CNNM2: variants seen among roughly 807,000 people sequenced by gnomAD.
The protein encoded by CNNM2 is metal transporter CNNM2.
CNNM2 carries 12 observed loss-of-function variants against 66.9 expected under a neutral mutation model. The ratio of observed to expected loss-of-function variants is 0.18; its 90% CI spans 0.11 to 0.29. The LOEUF is 0.29. Among genes scored for constraint, CNNM2 ranks in the 10% least tolerant of loss-of-function variants. The probability of loss-of-function intolerance (pLI) is 1.00; values close to 1 mark genes in which losing one functional copy is unlikely to be tolerated. For missense variants in CNNM2, 705 were observed against 1,167.7 expected, an observed-to-expected ratio of 0.60 and a Z score of 5.77; for synonymous variants, 557 against 501.8, an observed-to-expected ratio of 1.11 and a Z score of -1.47.
At chr10:102,970,046 C>G (rs1387786338) in intron 1 of CNNM2, among the ~76,000 whole-genome samples, 1 of 152,168 alleles carries the variant, frequency 6.6e-6, no homozygotes, top group Non-Finnish European at 1.5e-5. Flanking sequence ...TTTACTCTTT[C>G]TTTTTGAGAT....
chr10:102,927,300 A>G, intron 1 of CNNM2: 6 of 1,611,672 alleles, frequency 3.7e-6, no homozygotes, highest in South Asian at 1.1e-5. Flanking sequence ...GATTGAATAC[A>G]GTTTTTTAAA....
At chr10:103,053,444 G>A (rs751144653) in intron 2 of CNNM2, among the ~76,000 whole-genome samples, 1 of 152,214 alleles carries the variant, frequency 6.6e-6, no homozygotes, top group Non-Finnish European at 1.5e-5. Flanking sequence ...TTGAGCCTTG[G>A]AGTTGAGGCT....
chr10:103,073,548 G>A (rs1284891568), intron 6 of CNNM2, among the ~76,000 whole-genome samples: 2 of 152,190 alleles, frequency 1.3e-5, no homozygotes, highest in Admixed American at 6.5e-5. Context: ...GGCAAGGTCC[G>A]GGAGGAAGCT....
Position 102,918,477 on chromosome 10 carries a change from C to T in CNNM2, c.-4C>T, listed in dbSNP as rs1845495754. 2.5e-6 allele frequency: 4 copies of T among 1,605,156 alleles called. No individual in the cohort carries two copies. The East Asian group carries it at 6.8e-5, about 27-fold the overall frequency. Reference sequence around the variant, plus strand: ...GATGAAGCCGCAGCTGGAGCAGCCACCCTATGATTGGCTGTGGCGCTTGTG... The same window carrying T: ...GATGAAGCCGCAGCTGGAGCAGCCATCCTATGATTGGCTGTGGCGCTTGTG... On this transcript the variant is annotated 5_prime_UTR_variant, in exon 1 of 8. Transcript: ENST00000369878. This position sits in a 1 kb window ranked among gnomAD's most constrained non-coding sequence, Gnocchi z 4.1.
chr10:103,079,079 G>GC lies in CNNM2; in HGVS notation c.*1904dup, dbSNP rs1042369325. The GC allele has an allele frequency of 9.9e-5, 15 of 152,276 alleles. No homozygotes were observed. The highest frequency in any genetic ancestry group is 3.4e-4 in the African/African-American group (14 of 41,446). The allele number at this position is 152,276 out of a possible 1,614,324, so 9.4% of individuals were successfully genotyped here. On this transcript the variant is annotated 3_prime_UTR_variant, in exon 8 of 8. Transcript: ENST00000369878. ...GTGGCCTGCTACTGGCACGCAACCT[G>GC]CCCCCGTGGGATGAAGCCCCACCGC...
chr10:103,056,618 T>C (rs1453933316), intron 3 of CNNM2, among the ~76,000 whole-genome samples, 177 bp from the exon 4 acceptor site: 1 of 152,252 alleles, frequency 6.6e-6, no homozygotes, highest in Admixed American at 6.5e-5. Context: ...AATTCAGCAC[T>C]TTCTAATTTC....
At chr10:102,935,383 G>C (rs2134171532) in intron 1 of CNNM2, among the ~76,000 whole-genome samples, 1 of 151,976 alleles carries the variant, frequency 6.6e-6, no homozygotes, top group Non-Finnish European at 1.5e-5. Context: ...GATCACTTGA[G>C]CCAGGAGGTC....
At chr10:103,068,774 G>T (rs780182798) in intron 5 of CNNM2, 52 bp downstream of exon 5, 437 of 1,378,100 alleles carry the variant, frequency 3.2e-4, no homozygotes, top group Non-Finnish European at 3.5e-4. Context: ...AGGAAGTAAG[G>T]CCCCTCTCCT....
At chr10:102,998,616 A>C (rs1051216998) in intron 1 of CNNM2, among the ~76,000 whole-genome samples, 1 of 152,198 alleles carries the variant, frequency 6.6e-6, no homozygotes, top group Non-Finnish European at 1.5e-5. Context: ...TTGGAAAGGC[A>C]GACATAAAAC....
At chr10:102,938,904 A>G (rs893976682) in intron 1 of CNNM2, among the ~76,000 whole-genome samples, 1 of 152,132 alleles carries the variant, frequency 6.6e-6, no homozygotes, top group Admixed American at 6.6e-5. Context: ...ATATGAATGG[A>G]CAGCGATAGA....
intron 1 of CNNM2, among the ~76,000 whole-genome samples, chr10:102,994,111 A>G (rs2063945129): frequency 6.6e-6 from 1 of 152,006 alleles, no homozygotes; most frequent in Admixed American, 6.6e-5. Context: ...TAATTTTTGT[A>G]TTTTTAGTAG....
chr10:103,011,285 T>C (rs988574505), intron 1 of CNNM2, among the ~76,000 whole-genome samples: 1 of 152,056 alleles, frequency 6.6e-6, no homozygotes, highest in Non-Finnish European at 1.5e-5. Flanking sequence ...AAACCCTGTC[T>C]CTACTAAAAA....
intron 1 of CNNM2, among the ~76,000 whole-genome samples, chr10:102,962,540 G>C (rs1385571790): frequency 6.6e-6 from 1 of 151,936 alleles, no homozygotes; most frequent in Non-Finnish European, 1.5e-5. Context: ...ATTCATACTA[G>C]AAAAATAGCA....
rs147078874 is a variant in CNNM2, at chr10:103,024,676, C to T, written c.1622-25031C>T. On this transcript the variant is annotated intron_variant, in intron 1 of 7. Transcript: ENST00000369878. The stretch of plus-strand genomic sequence containing the variant: ...TGTATTTTTAGTAGAGATGGGGTTT[C>T]ACCGTGTTAGTCAGGATGATCTTGA... 4.3e-3 allele frequency among the ~76,000 whole-genome samples: 652 copies of T among 152,102 alleles called. 4 individuals carry two copies. Among genetic ancestry groups the T allele is most frequent in the African/African-American group, 0.015 (622 of 41,478 alleles).
intron 1 of CNNM2, among the ~76,000 whole-genome samples, chr10:102,968,448 T>G (rs556871274): frequency 3.9e-5 from 6 of 152,236 alleles, no homozygotes; most frequent in African/African-American, 1.4e-4. Flanking sequence ...GGTTTCACCA[T>G]ATTGACCAGG....
intron 1 of CNNM2, among the ~76,000 whole-genome samples, chr10:102,950,144 A>G (rs1391359382): frequency 6.6e-6 from 1 of 152,216 alleles, no homozygotes; most frequent in Non-Finnish European, 1.5e-5. Context: ...AGTCACAGGC[A>G]GATATTGGTA....
intron 1 of CNNM2, among the ~76,000 whole-genome samples, chr10:102,935,635 C>T (rs1291538388): frequency 1.5e-5 from 2 of 131,806 alleles, no homozygotes; most frequent in Non-Finnish European, 3.2e-5. Flanking sequence ...GAGACAGGGT[C>T]TTGCTCTATT....
chr10:103,023,144 A>G (rs1172074730), intron 1 of CNNM2, among the ~76,000 whole-genome samples: 1 of 152,176 alleles, frequency 6.6e-6, no homozygotes, highest in Non-Finnish European at 1.5e-5. Context: ...GACTGAAGCA[A>G]TTCACCTGCC....
Position 102,964,229 on chromosome 10 carries a change from CT to C in CNNM2, c.1621+44141del, listed in dbSNP as rs201456012. ...TAGTTAATTGGGCTAATTAGATATT[CT>C]TTTTTTTTTTTTCTTTGAGATGGAG... On this transcript the variant is annotated intron_variant, in intron 1 of 7. Transcript: ENST00000369878. Among the ~76,000 whole-genome samples, 231 of 145,636 alleles carry C rather than the reference CT, an allele frequency of 1.6e-3. 1 individual carries two copies. The highest frequency in any genetic ancestry group is 3.6e-3 in the African/African-American group (143 of 40,038).
Sources: gnomAD v4.1 joint callset for allele counts (sites outside exome capture counted in the v4.1 genomes callset) on GRCh38, gnomAD v4.1.1 for gene constraint, Gnocchi (gnomAD v3.1) non-coding constraint, MANE v1.5 for transcripts, NCBI Gene and HGNC (gene_info 2026-07-23, HGNC 2026-07-21) for gene names.